The following PRSS12 variants were observed in gnomAD, a reference collection of about 807,000 sequenced individuals.
PRSS12 encodes the protein neurotrypsin.
Under a neutral mutation model 104.4 loss-of-function variants are expected in PRSS12, and 85 were observed. That is an observed-to-expected ratio of 0.81 (90% CI 0.68 to 0.98). PRSS12 has a LOEUF of 0.98. Ranked by LOEUF, PRSS12 falls within the 50% of genes least tolerant of loss-of-function variation. PRSS12 has a pLI of 0.00. For synonymous variants in PRSS12, 454 were observed against 425.2 expected, an observed-to-expected ratio of 1.07 and a Z score of -0.83; for missense variants, 1,141 against 1,139.2, an observed-to-expected ratio of 1.00 and a Z score of -0.02.
At chr4:118,323,820 TAC>T (rs889289450) in intron 4 of PRSS12, among the ~76,000 whole-genome samples, 1 of 151,546 alleles carries the variant, frequency 6.6e-6, no homozygotes, top group Non-Finnish European at 1.5e-5. Flanking sequence ...TATATATATA[TAC>T]ACACACACAC....
chr4:118,321,079 T>C (rs542928561), intron 4 of PRSS12, among the ~76,000 whole-genome samples: 1 of 152,134 alleles, frequency 6.6e-6, no homozygotes, highest in Non-Finnish European at 1.5e-5. Flanking sequence ...ATAGGACAAA[T>C]GTGAGGAAAA....
Position 118,282,114 on chromosome 4 carries a change from C to A in PRSS12, c.2450G>T (p.Arg817Leu), listed in dbSNP as rs980368947. The A allele has an allele frequency of 3.1e-6, 5 of 1,614,074 alleles. No homozygotes were observed. Among genetic ancestry groups the A allele is most frequent in the Admixed American group, 1.7e-5 (1 of 60,010 alleles). ...LCAGNLHEHK[R>L]VDSCQGDSGG... ...GCTGTCTCCCTGGCAGCTGTCCACG[C>A]GTTTGTGTTCATGGAGGTTTCCAGC... Residue 817 changes from arginine (R) to leucine (L), a missense_variant, in exon 13 of 13, where the codon CGC becomes CTC. Arg to Leu is a moderately radical substitution (Grantham distance 102). Coordinates refer to ENST00000296498, the MANE Select transcript of PRSS12 (RefSeq NM_003619.4).
intron 4 of PRSS12, among the ~76,000 whole-genome samples, chr4:118,323,807 TTA>T (rs900914829): frequency 6.0e-5 from 9 of 151,172 alleles, no homozygotes; most frequent in African/African-American, 9.7e-5. Flanking sequence ...AACTTGTTTT[TTA>T]TATATATATA....
chr4:118,298,681 G>C (rs1743314455), intron 9 of PRSS12, 52 bp downstream of exon 9: 1 of 1,494,418 alleles, frequency 6.7e-7, no homozygotes, highest in South Asian at 1.1e-5. Flanking sequence ...TATAGTAATG[G>C]AATGGGAATT....
intron 8 of PRSS12, chr4:118,303,407 C>G (rs1488701593): frequency 6.6e-6 from 1 of 152,000 alleles, no homozygotes; most frequent in Non-Finnish European, 1.5e-5. Context: ...AAAAAAAGCA[C>G]CATTTTAGAT....
At chr4:118,347,826 T>A (rs542638404) in intron 1 of PRSS12, among the ~76,000 whole-genome samples, 1 of 152,366 alleles carries the variant, frequency 6.6e-6, no homozygotes, top group Admixed American at 6.5e-5. Flanking sequence ...AGTGCTGCGA[T>A]TTCAGGCATG....
chr4:118,301,760 C>T (rs1578909888), intron 8 of PRSS12, among the ~76,000 whole-genome samples: 1 of 152,040 alleles, frequency 6.6e-6, no homozygotes, highest in Non-Finnish European at 1.5e-5. Context: ...TTATTTTCTA[C>T]TTATCCCACA....
chr4:118,298,951 CA>C lies in PRSS12; in HGVS notation c.1632-14del. The C allele has an allele frequency of 6.2e-7, 1 of 1,613,174 alleles. No individual in the cohort carries two copies. On this transcript the variant is annotated splice_polypyrimidine_tract_variant and intron_variant, in intron 8 of 12. Transcript: ENST00000296498. ...TCTGGCAGGACCCCTGAAGACAGAA[CA>C]TTCTTAATCATGTGAAGAATCAGTC...
Position 118,315,655 on chromosome 4 carries a change from A to T in PRSS12, c.1292+527T>A, listed in dbSNP as rs539748071. On this transcript the variant is annotated intron_variant, in intron 6 of 12. Coordinates refer to ENST00000296498, the MANE Select transcript of PRSS12 (RefSeq NM_003619.4). ...GCATTATGTGTGTGACATAAAATACATGTCCCAAAGTGTGATACTCAGCTT... is the reference window on the plus strand; with the variant it reads ...GCATTATGTGTGTGACATAAAATACTTGTCCCAAAGTGTGATACTCAGCTT... 2.6e-5 allele frequency among the ~76,000 whole-genome samples: 4 copies of T among 152,338 alleles called. No homozygotes were observed. In the East Asian group the frequency reaches 7.7e-4, roughly 29 times the overall value.
Position 118,352,394 on chromosome 4 carries a change from A to T in PRSS12, c.327T>A (p.Cys109Ter). The part of the protein sequence containing the change: ...WVSVTDFGAP[C>*]LRWAEVPPFL... ...AGGGTGGCACCTCCGCCCACCGCAG[A>T]CACGGGGCGCCGAAGTCCGTCACGC... Residue 109 changes from cysteine (C) to a stop codon, truncating the protein, a stop_gained, in exon 1 of 13, where the codon TGT becomes TGA. Transcript: ENST00000296498. LOFTEE classifies it high-confidence loss of function. 1 of 1,544,272 alleles carries T rather than the reference A, an allele frequency of 6.5e-7. No homozygotes were observed. The highest frequency in any genetic ancestry group is 1.2e-5 in the South Asian group (1 of 84,012).
chr4:118,331,581 C>T lies in PRSS12; in HGVS notation c.971+135G>A, dbSNP rs1027523609. Reference sequence around the variant, plus strand: ...ACTGCTCTTCAGGAAGCCTACAGCCCTACTACAAAGATCAAAAGGTAACTT... The same window carrying T: ...ACTGCTCTTCAGGAAGCCTACAGCCTTACTACAAAGATCAAAAGGTAACTT... On this transcript the variant is annotated intron_variant, in intron 4 of 12. Transcript: ENST00000296498. 26 of 1,207,328 alleles carry T rather than the reference C, an allele frequency of 2.2e-5. No individual in the cohort carries two copies. In the African/African-American group the frequency reaches 3.9e-4, roughly 18 times the overall value. 74.8% of individuals were successfully genotyped at this position (1,207,328 alleles called of 1,614,324 possible).
intron 1 of PRSS12, among the ~76,000 whole-genome samples, chr4:118,339,574 A>T (rs966115930): frequency 2.6e-5 from 4 of 152,214 alleles, no homozygotes; most frequent in Non-Finnish European, 4.4e-5. Context: ...AATGGAGGTG[A>T]GCATTGTACA....
At chr4:118,339,823 A>G (rs1724155331) in intron 1 of PRSS12, among the ~76,000 whole-genome samples, 1 of 152,180 alleles carries the variant, frequency 6.6e-6, no homozygotes, top group East Asian at 1.9e-4. Flanking sequence ...GGTCCACGTA[A>G]TATTATGCAC....
chr4:118,313,310 G>C lies in PRSS12; in HGVS notation c.1380C>G (p.Thr460=), dbSNP rs1344023838. The change falls in exon 7 of 13, where the codon ACC becomes ACG. Residue 460 remains threonine (T), a synonymous_variant. Coordinates refer to ENST00000296498, the MANE Select transcript of PRSS12 (RefSeq NM_003619.4). ...GTCGCCTGGAACACTGAAGAAATCT[G>C]GTTTCCTTTCCTGAGCAGCTGACGT... ...LDDVSCSGKE[T]RFLQCSRRQW... 3.1e-6 allele frequency: 5 copies of C among 1,614,098 alleles called. No individual in the cohort carries two copies. Among genetic ancestry groups the C allele is most frequent in the Non-Finnish European group, 3.4e-6 (4 of 1,180,016 alleles).
chr4:118,283,096 A>C lies in PRSS12; in HGVS notation c.2055T>G (p.Thr685=), dbSNP rs1312481016. ...AHCFKRYGNS[T]RSYAVRVGDY... ...CTCCAACCCTAACAGCATAGCTCCTAGTGCTGTTGCCATACCTGAGAGGCA... is the reference window on the plus strand; with the variant it reads ...CTCCAACCCTAACAGCATAGCTCCTCGTGCTGTTGCCATACCTGAGAGGCA... The change falls in exon 12 of 13, where the codon ACT becomes ACG. Residue 685 remains threonine (T), a synonymous_variant. Transcript: ENST00000296498. The C allele has an allele frequency of 7.4e-6, 12 of 1,614,058 alleles. No individual in the cohort carries two copies. Among genetic ancestry groups the C allele is most frequent in the Non-Finnish European group, 1.0e-5 (12 of 1,180,008 alleles).
chr4:118,311,056 A>C (rs1316085342), intron 7 of PRSS12, among the ~76,000 whole-genome samples: 1 of 152,026 alleles, frequency 6.6e-6, no homozygotes, highest in Non-Finnish European at 1.5e-5. Context: ...GTCTCAATTA[A>C]TTAATTAATT....
chr4:118,348,132 G>A (rs1724402960), intron 1 of PRSS12, among the ~76,000 whole-genome samples: 1 of 152,122 alleles, frequency 6.6e-6, no homozygotes, highest in Non-Finnish European at 1.5e-5. Context: ...CAGAGGCCAA[G>A]GTGGGAGAAT....
intron 1 of PRSS12, among the ~76,000 whole-genome samples, chr4:118,343,007 A>T (rs72677057): frequency 0.075 from 11,489 of 152,282 alleles, 602 homozygotes; most frequent in Non-Finnish European, 0.11. Flanking sequence ...TAACCATCTT[A>T]TCAGTCTCAG....
At position 118,298,797 on chromosome 4, in the gene PRSS12, G is replaced by A. The variant is rs34131974; in HGVS notation, c.1773C>T (p.His591=). The A allele has an allele frequency of 1.3e-3, 2,034 of 1,614,164 alleles. 28 individuals carry two copies. In the African/African-American group the frequency reaches 0.023, roughly 18 times the overall value. ...KQDIGRHNCR[H]SEDAGVICDY... ...CACAAATAACTCCTGCATCTTCACTGTGGCGGCAGTTGTGTCTTCCAATAT... is the reference window on the plus strand; with the variant it reads ...CACAAATAACTCCTGCATCTTCACTATGGCGGCAGTTGTGTCTTCCAATAT... The change falls in exon 9 of 13, where the codon CAC becomes CAT. Residue 591 remains histidine (H), a synonymous_variant. Coordinates refer to ENST00000296498, the MANE Select transcript of PRSS12 (RefSeq NM_003619.4).
Sources: gnomAD v4.1 joint callset for allele counts (sites outside exome capture counted in the v4.1 genomes callset) on GRCh38, gnomAD v4.1.1 for gene constraint, MANE v1.5 for transcripts, NCBI Gene and HGNC (gene_info 2026-07-23, HGNC 2026-07-21) for gene names.